TAS2R1: variants seen among roughly 807,000 people sequenced by gnomAD.
The protein encoded by TAS2R1 is taste receptor type 2 member 1.
For missense variants in TAS2R1, 370 were observed against 353.4 expected (o/e 1.05, Z -0.38); for synonymous variants, 141 against 134.2 (o/e 1.05, Z -0.35).
intron 1 of TAS2R1, among the ~76,000 whole-genome samples, chr5:9,681,759 C>T (rs188902843): frequency 4.2e-4 from 64 of 152,246 alleles, no homozygotes; most frequent in African/African-American, 1.5e-3. Context: ...TTTAGTCCTG[C>T]TTCTCAGTGT....
the TAS2R1 span, among the ~76,000 whole-genome samples, chr5:9,848,455 T>C: frequency 6.6e-6 from 1 of 152,184 alleles, no homozygotes; most frequent in Non-Finnish European, 1.5e-5. Flanking sequence ...ATTATGCCGA[T>C]TTTACTCCAA....
At chr5:9,723,603 C>A in the TAS2R1 span, among the ~76,000 whole-genome samples, 11 of 152,230 alleles carry the variant, frequency 7.2e-5, no homozygotes, top group African/African-American at 2.7e-4. Context: ...GAGATGCCCA[C>A]CCTCACTGCC....
At chr5:9,822,857 A>G in the TAS2R1 span, among the ~76,000 whole-genome samples, 1 of 152,076 alleles carries the variant, frequency 6.6e-6, no homozygotes, top group African/African-American at 2.4e-5. Flanking sequence ...GCTGGTAAAA[A>G]TTGTGCTACA....
chr5:9,782,879 G>C, the TAS2R1 span, among the ~76,000 whole-genome samples: 7 of 152,176 alleles, frequency 4.6e-5, no homozygotes, highest in African/African-American at 1.7e-4. Flanking sequence ...CATTTTACAA[G>C]CTTCAGTAAA....
upstream of TAS2R1, among the ~76,000 whole-genome samples, chr5:9,633,319 T>TATATATATATATATATACATAC (rs1475834697): frequency 3.6e-5 from 5 of 137,474 alleles, no homozygotes; most frequent in African/African-American, 1.5e-4. Flanking sequence ...TATATATATA[T>TATATATATATATATATACATAC]ACACAAATGT....
the TAS2R1 span, among the ~76,000 whole-genome samples, chr5:9,725,876 G>A: frequency 1.4e-3 from 218 of 152,368 alleles, no homozygotes; most frequent in African/African-American, 5.1e-3. Flanking sequence ...CTAGCTCAGG[G>A]TTTGTGAATG....
intron 1 of TAS2R1, among the ~76,000 whole-genome samples, chr5:9,699,155 A>C (rs768610001): frequency 9.9e-5 from 15 of 152,240 alleles, no homozygotes; most frequent in Non-Finnish European, 1.8e-4. Context: ...ATCCAGATGC[A>C]AGAACATCAA....
chr5:9,849,034 G>A, the TAS2R1 span, among the ~76,000 whole-genome samples: 8 of 152,346 alleles, frequency 5.3e-5, 1 homozygote, highest in East Asian at 5.8e-4. Flanking sequence ...CTTGGAAGGC[G>A]AGACCAGAGG....
At chr5:9,884,473 T>TAA in the TAS2R1 span, among the ~76,000 whole-genome samples, 21 of 108,284 alleles carry the variant, frequency 1.9e-4, no homozygotes, top group Non-Finnish European at 2.7e-4. Context: ...GACTCTGACT[T>TAA]AAAAAAAAAA....
At chr5:9,675,122 A>C (rs948874276) in intron 1 of TAS2R1, among the ~76,000 whole-genome samples, 109 of 144,184 alleles carry the variant, frequency 7.6e-4, no homozygotes, top group African/African-American at 2.7e-3. Flanking sequence ...ATATATATAT[A>C]TCTAATATAT....
chr5:9,752,237 T>C, the TAS2R1 span, among the ~76,000 whole-genome samples: 1 of 152,314 alleles, frequency 6.6e-6, no homozygotes, highest in East Asian at 1.9e-4. Context: ...AGAGGTTGAA[T>C]GTGCAGATTC....
the TAS2R1 span, among the ~76,000 whole-genome samples, chr5:9,734,436 C>A: frequency 5.9e-5 from 9 of 152,130 alleles, no homozygotes; most frequent in African/African-American, 2.2e-4. Context: ...GATTTATTAA[C>A]CCACATCTGA....
chr5:9,884,549 A>C, the TAS2R1 span, among the ~76,000 whole-genome samples: 3 of 151,510 alleles, frequency 2.0e-5, no homozygotes, highest in African/African-American at 7.3e-5. Flanking sequence ...TGAGTTTTGG[A>C]GGAGACAATC....
At chr5:9,837,633 C>G in the TAS2R1 span, among the ~76,000 whole-genome samples, 4 of 152,204 alleles carry the variant, frequency 2.6e-5, no homozygotes, top group African/African-American at 7.2e-5. Flanking sequence ...AGACTTCTTG[C>G]CTCCTGCTTT....
At chr5:9,791,203 T>TAC in the TAS2R1 span, among the ~76,000 whole-genome samples, 142 of 151,496 alleles carry the variant, frequency 9.4e-4, no homozygotes, top group African/African-American at 3.2e-3. Flanking sequence ...CACACACACA[T>TAC]ACACACACAC....
chr5:9,795,524 G>C, the TAS2R1 span, among the ~76,000 whole-genome samples: 1 of 152,156 alleles, frequency 6.6e-6, no homozygotes, highest in African/African-American at 2.4e-5. Flanking sequence ...CCAGGTCTAG[G>C]AGTCAGGATG....
At chr5:9,777,847 A>ATCTCCATC in the TAS2R1 span, among the ~76,000 whole-genome samples, 1 of 150,988 alleles carries the variant, frequency 6.6e-6, no homozygotes, top group African/African-American at 2.4e-5. Flanking sequence ...ACATCTCCAC[A>ATCTCCATC]TCTCCATCAG....
chr5:9,643,282 C>T lies in TAS2R1; in HGVS notation c.-80-13290G>A, dbSNP rs151113567. On this transcript the variant is annotated intron_variant, in intron 2 of 2. Transcript: ENST00000506620. ...CACACTTAGGCTGTATGGTATAGTC[C>T]ATTATTTTGCTCCTAGGCTACAAAT... 1.3e-3 allele frequency among the ~76,000 whole-genome samples: 204 copies of T among 152,294 alleles called. 2 individuals are homozygous for T. Among genetic ancestry groups the T allele is most frequent in the African/African-American group, 4.6e-3 (191 of 41,566 alleles).
upstream of TAS2R1, among the ~76,000 whole-genome samples, chr5:9,716,556 T>C (rs1734817159): frequency 6.6e-6 from 1 of 151,872 alleles, no homozygotes; most frequent in Non-Finnish European, 1.5e-5. Context: ...TATATATATA[T>C]ATATATATGC....
Sources: allele counts gnomAD v4.1 joint callset (sites outside exome capture counted in the v4.1 genomes callset), GRCh38; gene constraint gnomAD v4.1.1; transcripts MANE v1.5; gene names NCBI Gene and HGNC (gene_info 2026-07-23, HGNC 2026-07-21).